Variants in IL23R observed in about 807,000 individuals in gnomAD.
The protein encoded by IL23R is interleukin-23 receptor.
Under a neutral mutation model 56.9 loss-of-function variants are expected in IL23R, and 34 were observed. That is an observed-to-expected ratio of 0.60 (90% CI 0.45 to 0.80). IL23R has a LOEUF of 0.80. Among genes scored for constraint, IL23R ranks in the 30% least tolerant of loss-of-function variants. The pLI, the probability that IL23R is intolerant of heterozygous loss-of-function variation, is 0.00. For synonymous variants in IL23R, 230 were observed against 249.2 expected (o/e 0.92, Z 0.73); for missense variants, 635 against 730.0 (o/e 0.87, Z 1.50).
intron 8 of IL23R, among the ~76,000 whole-genome samples, chr1:67,237,233 G>T (rs888353059): frequency 1.3e-5 from 2 of 152,038 alleles, no homozygotes; most frequent in African/African-American, 4.8e-5. Flanking sequence ...GTAGAGACGG[G>T]TTTCACCATG....
chr1:67,199,209 T>C (rs1570831439), intron 4 of IL23R, among the ~76,000 whole-genome samples: 1 of 152,138 alleles, frequency 6.6e-6, no homozygotes, highest in South Asian at 2.1e-4. Context: ...CCACTACAAG[T>C]TTCTTCTTGC....
At chr1:67,253,105 T>C (rs1458548768) in intron 9 of IL23R, among the ~76,000 whole-genome samples, 2 of 152,184 alleles carry the variant, frequency 1.3e-5, no homozygotes, top group South Asian at 2.1e-4. Context: ...GCTTTAACAC[T>C]TGAATTCCAC....
Position 67,169,462 on chromosome 1 carries a change from T to C in IL23R, c.191T>C (p.Leu64Pro), listed in dbSNP as rs771174962. Residue 64 changes from leucine to proline, a missense_variant, in exon 3 of 11, where the codon CTT becomes CCT. Leu to Pro is a moderately conservative substitution (Grantham distance 98). Coordinates refer to ENST00000347310, the MANE Select transcript of IL23R (RefSeq NM_144701.3). The stretch of plus-strand genomic sequence containing the variant: ...ATTAAGAACTGCCAACCAAGGAAAC[T>C]TCATTTTTATAAAAATGGCATCAAA... ...AAIKNCQPRKLHFYKNGIKER... is the reference protein window; with the variant it reads ...AAIKNCQPRKPHFYKNGIKER... 6.2e-7 allele frequency: 1 copy of C among 1,613,866 alleles called. No homozygotes were observed. The highest frequency in any genetic ancestry group is 1.1e-5 in the South Asian group (1 of 91,064).
At chr1:67,140,444 T>A (rs997027032) in intron 1 of IL23R, among the ~76,000 whole-genome samples, 2 of 152,128 alleles carry the variant, frequency 1.3e-5, no homozygotes, top group African/African-American at 4.8e-5. Context: ...CTACAAATGA[T>A]CATTAATTAT....
rs71062406 is a variant in IL23R at position 67,228,151 on chromosome 1, T to TTTCCTTCCTTCCTTCCTTCC, written c.955+8451_955+8470dup. 3.7e-3 allele frequency among the ~76,000 whole-genome samples: 216 copies of TTTCCTTCCTTCCTTCCTTCC among 58,056 alleles called. 2 individuals carry two copies. The highest frequency in any genetic ancestry group is 5.1e-3 in the Non-Finnish European group (162 of 31,740). The allele number at this position is 58,056 out of a possible 152,430, so 38.1% of individuals were successfully genotyped here. A position where few individuals can be genotyped will look rare whatever the true frequency, so the allele number is the denominator to read the frequency against. ...TTCCTTCTTTCTTTCTGTCTTTCTT[T>TTTCCTTCCTTCCTTCCTTCC]TTCCTTCCTTCCTTCCTTCCTTCCT... On this transcript the variant is annotated intron_variant, in intron 7 of 10. Coordinates refer to ENST00000347310, the MANE Select transcript of IL23R (RefSeq NM_144701.3).
chr1:67,147,199 G>C (rs1440150683), intron 1 of IL23R, among the ~76,000 whole-genome samples: 1 of 152,152 alleles, frequency 6.6e-6, no homozygotes, highest in Non-Finnish European at 1.5e-5. Context: ...AAGAGTGAGT[G>C]CTGGTTCTGT....
At chr1:67,177,204 C>T (rs1367128711) in intron 3 of IL23R, among the ~76,000 whole-genome samples, 2 of 152,198 alleles carry the variant, frequency 1.3e-5, no homozygotes, top group East Asian at 3.8e-4. Flanking sequence ...CTGACTTCCA[C>T]AATGGTTGAA....
In IL23R at chr1:67,154,516, C is replaced by T. The variant is rs1215265663; in HGVS notation, c.-633-13576C>T. ...GATCCCTTTACCATTATGTAATGCC[C>T]TTCTCTGTCTTTTTTTAATTTTTGT... On this transcript the variant is annotated intron_variant, in intron 1 of 10. Coordinates refer to the IL23R transcript ENST00000637002. Among the ~76,000 whole-genome samples, 7 of 152,112 alleles carry T rather than the reference C, an allele frequency of 4.6e-5. No homozygotes were observed. The East Asian group carries it at 9.6e-4, about 21-fold the overall frequency.
At chr1:67,192,970 A>G (rs1647860788) in intron 4 of IL23R, among the ~76,000 whole-genome samples, 1 of 152,210 alleles carries the variant, frequency 6.6e-6, no homozygotes, top group Non-Finnish European at 1.5e-5. Context: ...TCAAAGCCAG[A>G]GTCCCTCAAG....
At chr1:67,168,986 G>A (rs1013685188) in intron 2 of IL23R, among the ~76,000 whole-genome samples, 12 of 151,780 alleles carry the variant, frequency 7.9e-5, no homozygotes, top group African/African-American at 2.2e-4. Flanking sequence ...ATGGTGAAAC[G>A]CCATATTAGC....
intron 10 of IL23R, among the ~76,000 whole-genome samples, chr1:67,258,065 CT>C (rs1653049515): frequency 1.3e-5 from 2 of 152,094 alleles, no homozygotes; most frequent in African/African-American, 4.8e-5. Flanking sequence ...TCTCCCCAAC[CT>C]TTTTTTATTT....
chr1:67,167,152 G>T (rs1336408809), intron 1 of IL23R, among the ~76,000 whole-genome samples: 1 of 152,136 alleles, frequency 6.6e-6, no homozygotes, highest in African/African-American at 2.4e-5. Context: ...GCCCAGGCTG[G>T]AGTGCAATGG....
At chr1:67,168,230 C>A in intron 2 of IL23R, 40 bp downstream of exon 2, 1 of 1,306,036 alleles carries the variant, frequency 7.7e-7, no homozygotes, top group Non-Finnish European at 1.1e-6. Flanking sequence ...TTTCATTCAA[C>A]AAATGGAATA....
chr1:67,259,990 A>AAAG (rs397935996), downstream of IL23R: 41 of 150,766 alleles, frequency 2.7e-4, no homozygotes, highest in South Asian at 6.3e-4. Context: ...AAAAAAAAAA[A>AAAG]GAATAACTAA....
intron 4 of IL23R, among the ~76,000 whole-genome samples, chr1:67,188,628 C>T (rs1023228898): frequency 4.6e-5 from 7 of 152,160 alleles, no homozygotes; most frequent in Non-Finnish European, 1.0e-4. Context: ...TATGACAAAG[C>T]ACCTAGACTG....
At chr1:67,168,519 A>C (rs1007958905) in intron 2 of IL23R, among the ~76,000 whole-genome samples, 5 of 152,180 alleles carry the variant, frequency 3.3e-5, no homozygotes, top group Admixed American at 3.3e-4. Flanking sequence ...ATTTGGATGC[A>C]ATTCTATTTC....
chr1:67,154,060 G>T (rs771730140), intron 1 of IL23R, among the ~76,000 whole-genome samples: 22 of 152,184 alleles, frequency 1.4e-4, no homozygotes, highest in Admixed American at 4.6e-4. Flanking sequence ...GAGCCACTGC[G>T]CCCGGCCTTG....
chr1:67,170,821 G>T (rs1272380098), intron 3 of IL23R, among the ~76,000 whole-genome samples: 1 of 152,172 alleles, frequency 6.6e-6, no homozygotes, highest in Non-Finnish European at 1.5e-5. Flanking sequence ...CCCCATTGTG[G>T]CTGCTTGGAA....
intron 4 of IL23R, among the ~76,000 whole-genome samples, chr1:67,195,437 A>ATG (rs1392950223): frequency 6.6e-5 from 10 of 152,356 alleles, no homozygotes; most frequent in Non-Finnish European, 5.9e-5. Flanking sequence ...TGATAACAAC[A>ATG]ACGTTATCAT....
Sources: gnomAD v4.1 joint callset for allele counts (sites outside exome capture counted in the v4.1 genomes callset) on GRCh38, gnomAD v4.1.1 for gene constraint, MANE v1.5 for transcripts, NCBI Gene and HGNC (gene_info 2026-07-23, HGNC 2026-07-21) for gene names.